SLC18A1: variants seen among roughly 807,000 people sequenced by gnomAD.
The protein encoded by SLC18A1 is chromaffin granule amine transporter.
Under a neutral mutation model 53.7 loss-of-function variants are expected in SLC18A1, and 69 were observed. The observed-to-expected ratio is 1.28, with a 90% confidence interval of 1.06 to 1.57. SLC18A1 has a LOEUF of 1.57. SLC18A1 is among the 40% of genes most tolerant of loss of function. The pLI is 0.00. For missense variants in SLC18A1, 932 were observed against 668.1 expected (o/e 1.40, Z -4.35); for synonymous variants, 320 against 248.1 (o/e 1.29, Z -2.72).
At chr8:20,163,626 G>A (rs1385493092) in intron 10 of SLC18A1, among the ~76,000 whole-genome samples, 2 of 152,118 alleles carry the variant, frequency 1.3e-5, no homozygotes, top group African/African-American at 2.4e-5. Flanking sequence ...TGTGATCACT[G>A]ACCAGCTATA....
At chr8:20,153,449 G>A (rs28701666) in intron 10 of SLC18A1, among the ~76,000 whole-genome samples, 34,174 of 151,980 alleles carry the variant, frequency 0.22, 4,097 homozygotes, top group African/African-American at 0.26. Flanking sequence ...AGGCAGAGGC[G>A]GGTGGATCAC....
Position 20,179,170 on chromosome 8 carries a change from C to G in SLC18A1, c.439G>C (p.Ala147Pro). 3.1e-6 allele frequency: 5 copies of G among 1,614,062 alleles called. No individual in the cohort carries two copies. The highest frequency in any genetic ancestry group is 4.2e-6 in the Non-Finnish European group (5 of 1,179,978). Residue 147 changes from alanine to proline, a missense_variant, in exon 3 of 16, where the codon GCT (alanine) becomes CCT (proline). Ala to Pro is a conservative substitution (Grantham distance 27, BLOSUM62 -1). Transcript: ENST00000276373. ...GGGTTGACCAGAAGTTGCATCACAG[C>G]CTTTGAAGCAAACAGAACCCCGACC... ...TRVGVLFASK[A>P]VMQLLVNPFV...
At chr8:20,174,221 T>G in intron 5 of SLC18A1, 140 bp downstream of exon 5, 1 of 713,776 alleles carries the variant, frequency 1.4e-6, no homozygotes, top group African/African-American at 1.8e-5. Context: ...CCCAATTCCC[T>G]TATTTCTGAA....
chr8:20,167,643 C>A (rs565880246), intron 8 of SLC18A1, among the ~76,000 whole-genome samples: 2 of 151,784 alleles, frequency 1.3e-5, no homozygotes, highest in Non-Finnish European at 2.9e-5. Flanking sequence ...TTTTTTGAGA[C>A]AGAGTCTTGC....
Position 20,175,673 on chromosome 8 carries a change from C to T in SLC18A1, c.548-1229G>A, listed in dbSNP as rs570195619. 4 of 152,298 alleles carry T rather than the reference C, an allele frequency of 2.6e-5. No individual in the cohort carries two copies. In the East Asian group the frequency reaches 7.7e-4, roughly 29 times the overall value. 9.4% of individuals were successfully genotyped at this position (152,298 alleles called of 1,614,324 possible). On this transcript the variant is annotated intron_variant, in intron 4 of 15. Coordinates refer to ENST00000276373, the MANE Select transcript of SLC18A1 (RefSeq NM_003053.4). Reference sequence around the variant, plus strand: ...GTTAAGTCCAGACATGTCTCACCTCCAATTCCAGAAAAATGTCTCCTAGGG... The same window carrying T: ...GTTAAGTCCAGACATGTCTCACCTCTAATTCCAGAAAAATGTCTCCTAGGG...
chr8:20,147,345 C>A lies in SLC18A1; in HGVS notation c.1377G>T (p.Trp459Cys). 6.2e-7 allele frequency: 1 copy of A among 1,613,308 alleles called. No individual in the cohort carries two copies. Among genetic ancestry groups the A allele is most frequent in the Non-Finnish European group, 8.5e-7 (1 of 1,179,886 alleles). ...GAIVKAIGFP[W>C]LMVITGVINI... Reference sequence around the variant, plus strand: ...TGATGACCCCAGTGATGACCATGAGCCAGGGAAAACCGATGGCCTTTACAA... The same window carrying A: ...TGATGACCCCAGTGATGACCATGAGACAGGGAAAACCGATGGCCTTTACAA... The change falls in exon 15 of 16, where the codon TGG becomes TGT. Residue 459 changes from tryptophan (W) to cysteine (C), a missense_variant. Transcript: ENST00000276373.
chr8:20,183,032 T>C (rs2072468406), intron 1 of SLC18A1, 31 bp downstream of exon 1: 1 of 152,148 alleles, frequency 6.6e-6, no homozygotes, highest in African/African-American at 2.4e-5. Context: ...CAAGGAAAGA[T>C]TAAATTTGTC....
Position 20,145,732 on chromosome 8 carries a change from G to C in SLC18A1, c.*31C>G, listed in dbSNP as rs1047129850. The C allele has an allele frequency of 7.1e-7, 1 of 1,404,890 alleles. No individual in the cohort carries two copies. The highest frequency in any genetic ancestry group is 1.0e-6 in the Non-Finnish European group (1 of 998,778). The allele number at this position is 1,404,890 out of a possible 1,614,324, so 87.0% of individuals were successfully genotyped here. ...CCCAGGGAAAGAGGTGGTCACTGAG[G>C]CATCATGAATTCAAGGAGCACCTTC... On this transcript the variant is annotated 3_prime_UTR_variant, in exon 16 of 16. Coordinates refer to ENST00000276373, the MANE Select transcript of SLC18A1 (RefSeq NM_003053.4).
chr8:20,145,313 C>T lies in SLC18A1; in HGVS notation c.*450G>A, dbSNP rs1445565601. ...CATTTTCTCAACTCGGCTGGGAAAACCCGGGAAAGAACACGTTGAGGAAAA... is the reference window on the plus strand; with the variant it reads ...CATTTTCTCAACTCGGCTGGGAAAATCCGGGAAAGAACACGTTGAGGAAAA... On this transcript the variant is annotated 3_prime_UTR_variant, in exon 16 of 16. Transcript: ENST00000276373. The T allele has an allele frequency of 1.3e-5, 2 of 152,580 alleles. No homozygotes were observed. The highest frequency in any genetic ancestry group is 2.9e-5 in the Non-Finnish European group (2 of 68,460). The allele number at this position is 152,580 out of a possible 1,614,324, so 9.5% of individuals were successfully genotyped here.
chr8:20,154,180 C>T lies in SLC18A1; in HGVS notation c.1016-3436G>A, dbSNP rs370741591. Reference sequence around the variant, plus strand: ...ATAAATTACCCAGCCTCAGATATTCCTTTATAGCCATGCAAAATGAACTAA... The same window carrying T: ...ATAAATTACCCAGCCTCAGATATTCTTTTATAGCCATGCAAAATGAACTAA... On this transcript the variant is annotated intron_variant, in intron 10 of 15. Coordinates refer to ENST00000276373, the MANE Select transcript of SLC18A1 (RefSeq NM_003053.4). Among the ~76,000 whole-genome samples, 31 of 152,284 alleles carry T rather than the reference C, an allele frequency of 2.0e-4. 2 individuals carry two copies. The highest frequency in any genetic ancestry group is 1.5e-3 in the Admixed American group (23 of 15,302).
chr8:20,180,045 C>T (rs2072383409), intron 2 of SLC18A1, among the ~76,000 whole-genome samples: 1 of 151,140 alleles, frequency 6.6e-6, no homozygotes, highest in South Asian at 2.1e-4. Flanking sequence ...CACTTCTGAA[C>T]TTCTTTTTCT....
intron 1 of SLC18A1, among the ~76,000 whole-genome samples, 169 bp from the exon 2 acceptor site, chr8:20,181,256 C>A (rs1563779171): frequency 6.6e-6 from 1 of 152,168 alleles, no homozygotes; most frequent in Non-Finnish European, 1.5e-5. Context: ...GGATTTATAT[C>A]TAGCCATTAA....
At chr8:20,171,299 A>G in intron 7 of SLC18A1, 106 bp downstream of exon 7, 1 of 1,298,238 alleles carries the variant, frequency 7.7e-7, no homozygotes, top group South Asian at 1.2e-5. Flanking sequence ...TGATCCATCA[A>G]AACATGTCCA....
At position 20,148,051 on chromosome 8, in the gene SLC18A1, A is replaced by G. The variant is rs890867575; in HGVS notation, c.1166T>C (p.Ile389Thr). ...SLLCVPLAHN[I>T]FGLIGPNAGL... is the part of the protein sequence containing the mutation. ...TGCATTGGGGCCAATGAGACCAAAA[A>G]TATTGTGAGCCAGAGGAACCTGCAT... is the stretch of plus-strand genomic sequence containing the variant. The change falls in exon 13 of 16, where the codon ATT becomes ACT. Residue 389 changes from isoleucine (I) to threonine (T), a missense_variant. By Grantham distance (89) the Ile-to-Thr change is moderately conservative. Coordinates refer to ENST00000276373, the MANE Select transcript of SLC18A1 (RefSeq NM_003053.4). 1 of 1,614,014 alleles carries G rather than the reference A, an allele frequency of 6.2e-7. No individual in the cohort carries two copies. The highest frequency in any genetic ancestry group is 1.3e-5 in the African/African-American group (1 of 74,914).
Position 20,181,012 on chromosome 8 carries a change from G to T in SLC18A1, c.-48C>A, listed in dbSNP as rs765009535. 17 of 1,542,370 alleles carry T rather than the reference G, an allele frequency of 1.1e-5. No homozygotes were observed. The South Asian group carries it at 1.9e-4, about 17-fold the overall frequency. ...TCTTCCCCTGCGGGCTCTTAGGGAA[G>T]GTCCTGTGACAGCTACAGGTCTCCT... On this transcript the variant is annotated 5_prime_UTR_variant, in exon 2 of 16. Coordinates refer to ENST00000276373, the MANE Select transcript of SLC18A1 (RefSeq NM_003053.4).
rs751299615 is a variant in SLC18A1 at position 20,147,999 on chromosome 8, C to T, written c.1210+8G>A. On this transcript the variant is annotated splice_region_variant and intron_variant, in intron 13 of 15. Coordinates refer to ENST00000276373, the MANE Select transcript of SLC18A1 (RefSeq NM_003053.4). Reference sequence around the variant, plus strand: ...GGGCTTATTGTTTTCTTTGAGGGCACTTCTTACCTATGGCAAGGCCAAGCC... The same window carrying T: ...GGGCTTATTGTTTTCTTTGAGGGCATTTCTTACCTATGGCAAGGCCAAGCC... 7.4e-6 allele frequency: 12 copies of T among 1,613,912 alleles called. No homozygotes were observed. Among genetic ancestry groups the T allele is most frequent in the Non-Finnish European group, 1.0e-5 (12 of 1,179,914 alleles).
intron 8 of SLC18A1, among the ~76,000 whole-genome samples, chr8:20,169,052 C>T (rs1243866961): frequency 6.6e-6 from 1 of 152,110 alleles, no homozygotes; most frequent in East Asian, 1.9e-4. Context: ...GAAGTAATTA[C>T]TACACAAGAG....
intron 10 of SLC18A1, among the ~76,000 whole-genome samples, chr8:20,161,033 G>A (rs1433356490): frequency 1.3e-5 from 2 of 152,168 alleles, no homozygotes; most frequent in Non-Finnish European, 2.9e-5. Context: ...TGGGGATTAA[G>A]TTTCCAACAC....
At chr8:20,173,285 A>G (rs1447033692) in intron 5 of SLC18A1, among the ~76,000 whole-genome samples, 157 bp from the exon 6 acceptor site, 1 of 152,166 alleles carries the variant, frequency 6.6e-6, no homozygotes, top group Admixed American at 6.5e-5. Flanking sequence ...TTTTTCAAGT[A>G]CTACCCTCCC....
Sources: allele counts gnomAD v4.1 joint callset (sites outside exome capture counted in the v4.1 genomes callset), GRCh38; gene constraint gnomAD v4.1.1; transcripts MANE v1.5; gene names NCBI Gene and HGNC (gene_info 2026-07-23, HGNC 2026-07-21).